Variants in DNAH17 observed in about 807,000 individuals in gnomAD.
DNAH17 encodes axonemal beta dynein heavy chain 17.
In DNAH17, 376 loss-of-function variants were observed where a neutral mutation model predicts 485.6. The ratio of observed to expected loss-of-function variants is 0.77; its 90% CI spans 0.71 to 0.84. DNAH17 has a LOEUF of 0.84. Among genes scored for constraint, DNAH17 ranks in the 40% least tolerant of loss-of-function variants. The pLI is 0.00. For missense variants in DNAH17, 6,370 were observed against 5,839.3 expected (o/e 1.09, Z -2.96); for synonymous variants, 3,031 against 2,405.9 (o/e 1.26, Z -7.60).
intron 30 of DNAH17, 77 bp from the exon 31 acceptor site, chr17:78,505,522 T>C: frequency 6.3e-7 from 1 of 1,590,476 alleles, no homozygotes; most frequent in Non-Finnish European, 8.6e-7. Context: ...TTTCCGTGGG[T>C]GGTTTTAGGC....
intron 70 of DNAH17, 101 bp from the exon 71 acceptor site, chr17:78,444,898 G>A (rs917620641): frequency 1.2e-5 from 14 of 1,194,800 alleles, no homozygotes; most frequent in African/African-American, 1.6e-5. Context: ...ATTACCCTCC[G>A]AGGAAACCGG....
At chr17:78,502,845 C>T (rs12936077) in intron 32 of DNAH17, 41 bp downstream of exon 32, 22 of 1,604,104 alleles carry the variant, frequency 1.4e-5, no homozygotes, top group Non-Finnish European at 1.8e-5. Context: ...CGCCCCTTAT[C>T]TCAGCCACGA....
At position 78,539,775 on chromosome 17, in the gene DNAH17, T is replaced by G; in HGVS notation, c.2638A>C (p.Lys880Gln). Residue 880 changes from lysine to glutamine, a missense_variant, in exon 18 of 81, where the codon AAA becomes CAA. By Grantham distance (53) the Lys-to-Gln change is moderately conservative. Transcript: ENST00000389840. ...VLDEFDQFIRKSLSFLMDNMV... is the reference protein window; with the variant it reads ...VLDEFDQFIRQSLSFLMDNMV... ...TTGTCCATTAGGAAACTCAGAGATT[T>G]GCGAATGAACTGGTCAAATTCATCT... 1.9e-6 allele frequency: 3 copies of G among 1,611,796 alleles called. No individual in the cohort carries two copies. Among genetic ancestry groups the G allele is most frequent in the African/African-American group, 2.7e-5 (2 of 75,010 alleles).
chr17:78,436,873 CAA>C (rs2086865795), intron 74 of DNAH17, among the ~76,000 whole-genome samples: 2 of 150,836 alleles, frequency 1.3e-5, no homozygotes, highest in Non-Finnish European at 3.0e-5. Flanking sequence ...AACAAACAAA[CAA>C]ACAAACACGT....
chr17:78,477,399 T>A (rs1008598352), intron 51 of DNAH17, among the ~76,000 whole-genome samples: 2 of 152,024 alleles, frequency 1.3e-5, no homozygotes, highest in Admixed American at 1.3e-4. Flanking sequence ...TACTTTTTGA[T>A]ATGTAGTCTC....
rs181128950 is a variant in DNAH17 at position 78,468,708 on chromosome 17, G to A, written c.8687C>T (p.Ser2896Phe). ...MEDEVENIIS[S>F]MRPQVKSLGM... is the part of the protein sequence containing the mutation. Reference sequence around the variant, plus strand: ...AAGGGACTTGACTTGGGGTCGCATGGAGGAGATGATGTTCTCCACCTCGTC... The same window carrying A: ...AAGGGACTTGACTTGGGGTCGCATGAAGGAGATGATGTTCTCCACCTCGTC... Residue 2896 changes from serine (S) to phenylalanine (F), a missense_variant, in exon 55 of 81, where the codon TCC becomes TTC. Ser to Phe is a radical substitution (Grantham distance 155, BLOSUM62 -2). Coordinates refer to ENST00000389840, the MANE Select transcript of DNAH17 (RefSeq NM_173628.4). The A allele has an allele frequency of 5.6e-6, 9 of 1,614,038 alleles. No individual in the cohort carries two copies.
intron 25 of DNAH17, 45 bp from the exon 26 acceptor site, chr17:78,515,067 G>A (rs187157455): frequency 6.2e-7 from 1 of 1,603,978 alleles, no homozygotes; most frequent in African/African-American, 1.3e-5. Context: ...TCATCAAGGA[G>A]AATTCAGGAA....
intron 14 of DNAH17, among the ~76,000 whole-genome samples, chr17:78,557,227 T>C (rs567549014): frequency 2.3e-4 from 35 of 152,294 alleles, no homozygotes; most frequent in Admixed American, 7.9e-4. Flanking sequence ...GAAATGCCCA[T>C]CCAGTCCTCC....
In DNAH17 at chr17:78,454,682, G is replaced by C; in HGVS notation, c.10194C>G (p.Gly3398=). ...CTGTCAGCAGGCTCAAGGGATCCAG[G>C]CCATTCGTGATCGGGATGGGGACCT... ...NLKVPIPITN[G]LDPLSLLTDD... is the part of the protein sequence containing the mutation. Residue 3398 remains glycine, a synonymous_variant, in exon 64 of 81, where the codon GGC becomes GGG. Transcript: ENST00000389840. The C allele has an allele frequency of 1.2e-6, 2 of 1,612,588 alleles. No homozygotes were observed. The highest frequency in any genetic ancestry group is 1.7e-6 in the Non-Finnish European group (2 of 1,179,826).
intron 57 of DNAH17, among the ~76,000 whole-genome samples, chr17:78,461,980 G>A (rs896300841): frequency 2.0e-5 from 3 of 152,010 alleles, no homozygotes; most frequent in Admixed American, 6.6e-5. Flanking sequence ...ACTGCAGCCT[G>A]GGCAACCGAG....
chr17:78,451,679 G>A lies in DNAH17; in HGVS notation c.10530-6C>T, dbSNP rs181747580. 4.9e-4 allele frequency: 765 copies of A among 1,552,448 alleles called. 5 individuals are homozygous for A. Among genetic ancestry groups the A allele is most frequent in the South Asian group, 4.6e-3 (375 of 80,828 alleles). On this transcript the variant is annotated splice_region_variant and splice_polypyrimidine_tract_variant and intron_variant, in intron 65 of 80. Coordinates refer to ENST00000389840, the MANE Select transcript of DNAH17 (RefSeq NM_173628.4). ...TGTCACCGATCTTAATGTACCTGGC[G>A]GTTGGTGGAGGAAAGGGTTAGTGGG...
intron 31 of DNAH17, among the ~76,000 whole-genome samples, chr17:78,504,886 T>C (rs2090434317): frequency 1.4e-5 from 2 of 147,856 alleles, no homozygotes; most frequent in South Asian, 4.3e-4. Flanking sequence ...TCAATGATAT[T>C]AACAGGGCTT....
chr17:78,425,756 CTTTTTTTTTTTTTTTTT>C (rs71160294), intron 79 of DNAH17, among the ~76,000 whole-genome samples, 185 bp from the exon 80 acceptor site: 1 of 120,770 alleles, frequency 8.3e-6, no homozygotes, highest in African/African-American at 3.8e-5. Flanking sequence ...TTGGTGTCTG[CTTTTTTTTTTTTTTTTT>C]TTTTTTTTTT....
intron 56 of DNAH17, 100 bp downstream of exon 56, chr17:78,466,555 A>G (rs549733454): frequency 3.0e-5 from 36 of 1,219,468 alleles, no homozygotes; most frequent in Non-Finnish European, 3.8e-5. Context: ...CACTTGGCTC[A>G]CCCTAATCCC....
At chr17:78,552,517 T>C (rs1443938314) in intron 15 of DNAH17, among the ~76,000 whole-genome samples, 180 bp downstream of exon 15, 3 of 150,724 alleles carry the variant, frequency 2.0e-5, no homozygotes, top group African/African-American at 4.9e-5. Context: ...ATGGGCTTTT[T>C]TTTTTTTTTT....
chr17:78,519,715 C>T (rs1358943911), intron 25 of DNAH17, among the ~76,000 whole-genome samples: 3 of 152,184 alleles, frequency 2.0e-5, no homozygotes, highest in African/African-American at 7.2e-5. Flanking sequence ...TCAAAAACCA[C>T]AAGCTACCAA....
chr17:78,506,488 A>G (rs2090488003), intron 30 of DNAH17, among the ~76,000 whole-genome samples: 1 of 152,150 alleles, frequency 6.6e-6, no homozygotes, highest in South Asian at 2.1e-4. Context: ...AGAGAGGCAA[A>G]TTAACTTCTC....
chr17:78,452,252 C>T (rs939587705), intron 65 of DNAH17, among the ~76,000 whole-genome samples: 2 of 152,028 alleles, frequency 1.3e-5, no homozygotes, highest in African/African-American at 4.8e-5. Context: ...AAAGGTGGCT[C>T]CTGTCAGCTC....
chr17:78,489,609 T>G (rs1043959132), intron 44 of DNAH17: 2 of 152,294 alleles, frequency 1.3e-5, no homozygotes, highest in African/African-American at 4.8e-5. Context: ...TGTTGCTGGG[T>G]GTCTGGGATG....
Sources: gnomAD v4.1 joint callset for allele counts (sites outside exome capture counted in the v4.1 genomes callset) on GRCh38, gnomAD v4.1.1 for gene constraint, MANE v1.5 for transcripts, NCBI Gene and HGNC (gene_info 2026-07-23, HGNC 2026-07-21) for gene names.